The following DYM variants were observed in gnomAD, a reference collection of about 807,000 sequenced individuals.
DYM encodes the protein dymeclin, also known as dyggve-Melchior-Clausen syndrome protein.
A neutral mutation model predicts 93.1 loss-of-function variants in DYM; 78 were observed. The ratio of observed to expected loss-of-function variants is 0.84; its 90% CI spans 0.70 to 1.01. The LOEUF is 1.01. DYM is among the 50% of genes least tolerant of loss of function. The pLI, the probability that DYM is intolerant of heterozygous loss-of-function variation, is 0.00. For missense variants in DYM, 789 were observed against 845.0 expected (o/e 0.93, Z 0.82); for synonymous variants, 321 against 319.7 (o/e 1.00, Z -0.04).
intron 15 of DYM, among the ~76,000 whole-genome samples, chr18:49,121,429 C>T (rs1335166652): frequency 1.3e-5 from 2 of 151,994 alleles, no homozygotes; most frequent in Non-Finnish European, 2.9e-5. Flanking sequence ...CATTAATATA[C>T]ATCTAATTGA....
chr18:49,195,836 T>C lies in DYM; in HGVS notation c.1625+13715A>G, dbSNP rs9958470. ...CCTTCGTTTAGTCAGGTAGTTTTACTGTACGTGGGTAGAAACTAAAACCAG... is the reference window on the plus strand; with the variant it reads ...CCTTCGTTTAGTCAGGTAGTTTTACCGTACGTGGGTAGAAACTAAAACCAG... On this transcript the variant is annotated intron_variant, in intron 14 of 17. Transcript: ENST00000675505. 2.4e-3 allele frequency among the ~76,000 whole-genome samples: 369 copies of C among 152,124 alleles called. 2 individuals carry two copies. Among genetic ancestry groups the C allele is most frequent in the African/African-American group, 8.8e-3 (364 of 41,466 alleles).
At chr18:49,459,921 G>GGT (rs951358663) in intron 1 of DYM, among the ~76,000 whole-genome samples, 2 of 146,966 alleles carry the variant, frequency 1.4e-5, no homozygotes, top group African/African-American at 5.0e-5. Flanking sequence ...TTTGGGGCGG[G>GGT]GGGGGCGGTG....
chr18:49,426,276 T>C (rs75516140), intron 2 of DYM, among the ~76,000 whole-genome samples: 13,822 of 151,418 alleles, frequency 0.091, 847 homozygotes, highest in East Asian at 0.31. Flanking sequence ...AACCAACATT[T>C]TGAGCAAACC....
chr18:49,206,822 T>C (rs563428056), intron 14 of DYM, among the ~76,000 whole-genome samples: 53 of 152,312 alleles, frequency 3.5e-4, no homozygotes, highest in African/African-American at 1.2e-3. Flanking sequence ...GGAGGCTTCA[T>C]ACTGTAAACC....
intron 13 of DYM, among the ~76,000 whole-genome samples, chr18:49,238,320 T>C (rs1284636620): frequency 6.6e-6 from 1 of 152,184 alleles, no homozygotes; most frequent in Non-Finnish European, 1.5e-5. Context: ...TAAGTAACCT[T>C]TAAAATTGTG....
At chr18:49,262,023 A>G (rs937044512) in intron 11 of DYM, among the ~76,000 whole-genome samples, 6 of 152,198 alleles carry the variant, frequency 3.9e-5, no homozygotes, top group African/African-American at 1.4e-4. Flanking sequence ...CCCCAAATCT[A>G]TGTCATTCAA....
At chr18:49,344,123 A>C (rs2064383544) in intron 6 of DYM, among the ~76,000 whole-genome samples, 1 of 152,178 alleles carries the variant, frequency 6.6e-6, no homozygotes, top group Non-Finnish European at 1.5e-5. Context: ...GATGTTTTTC[A>C]AAAGTCAGTT....
intron 1 of DYM, among the ~76,000 whole-genome samples, chr18:49,459,878 AAGG>A (rs896218221): frequency 6.9e-6 from 1 of 145,624 alleles, no homozygotes; most frequent in Non-Finnish European, 1.5e-5. Flanking sequence ...TAGGGGAGAG[AAGG>A]AGGAGTGACT....
intron 8 of DYM, among the ~76,000 whole-genome samples, chr18:49,306,360 A>C (rs990528490): frequency 3.3e-5 from 5 of 152,186 alleles, no homozygotes; most frequent in Non-Finnish European, 7.4e-5. Flanking sequence ...AATATACCAC[A>C]TCACTCAGAA....
chr18:49,422,191 G>A (rs567771464), intron 2 of DYM, among the ~76,000 whole-genome samples: 1 of 152,256 alleles, frequency 6.6e-6, no homozygotes, highest in East Asian at 1.9e-4. Flanking sequence ...GCAACTCCAA[G>A]ACACATAATT....
chr18:49,206,567 G>C (rs1045268968), intron 14 of DYM: 1 of 152,246 alleles, frequency 6.6e-6, no homozygotes, highest in Non-Finnish European at 1.5e-5. Flanking sequence ...AGAAGATGGC[G>C]AGGTAATTCC....
intron 14 of DYM, among the ~76,000 whole-genome samples, chr18:49,186,921 T>A (rs2090490392): frequency 2.6e-5 from 1 of 38,046 alleles, no homozygotes; most frequent in African/African-American, 9.5e-5. Context: ...CACAATCTTC[T>A]TTTTTTTTTT....
chr18:49,144,926 G>C (rs887834836), intron 15 of DYM, among the ~76,000 whole-genome samples: 1 of 151,014 alleles, frequency 6.6e-6, no homozygotes, highest in Admixed American at 6.6e-5. Context: ...GTGGGACCCT[G>C]CTGCATTTAC....
At chr18:49,214,126 A>G (rs1462719510) in intron 13 of DYM, among the ~76,000 whole-genome samples, 1 of 152,190 alleles carries the variant, frequency 6.6e-6, no homozygotes, top group Non-Finnish European at 1.5e-5. Flanking sequence ...AAAAAGATAC[A>G]TGGATTCTGC....
chr18:49,334,441 C>T (rs1173933596), intron 6 of DYM, among the ~76,000 whole-genome samples: 1 of 152,130 alleles, frequency 6.6e-6, no homozygotes, highest in Non-Finnish European at 1.5e-5. Context: ...TCTGTCCTCT[C>T]AAGATCATAA....
At chr18:49,301,886 T>G (rs772053669) in intron 8 of DYM, among the ~76,000 whole-genome samples, 1 of 152,116 alleles carries the variant, frequency 6.6e-6, no homozygotes, top group African/African-American at 2.4e-5. Flanking sequence ...GAGAGAAGAG[T>G]GCAGCCCTGC....
At chr18:49,052,712 T>C (rs774729262) in intron 17 of DYM, among the ~76,000 whole-genome samples, 7 of 152,378 alleles carry the variant, frequency 4.6e-5, no homozygotes, top group Middle Eastern at 3.4e-3. Flanking sequence ...GGCTCTTCTC[T>C]GCCCACATCT....
intron 5 of DYM, 45 bp from the exon 6 acceptor site, chr18:49,363,278 T>C (rs1209830619): frequency 1.5e-6 from 2 of 1,324,980 alleles, no homozygotes; most frequent in African/African-American, 2.9e-5. Flanking sequence ...AAGTACACAG[T>C]AGAATACAGT....
rs2068098457 is a variant in DYM, at chr18:49,382,138, A to AC, written c.194-2381_194-2380insG. Among the ~76,000 whole-genome samples the AC allele has an allele frequency of 9.2e-5, 14 of 152,300 alleles. No homozygotes were observed. The South Asian group carries it at 2.9e-3, about 32-fold the overall frequency. ...TGAATGTATAAATGATTAGCTATTT[A>AC]AAAAAACAAAACAAAACATCTTGTG... On this transcript the variant is annotated intron_variant, in intron 3 of 17. Coordinates refer to ENST00000675505, the MANE Select transcript of DYM (RefSeq NM_001353214.3).
Sources: gnomAD v4.1 joint callset for allele counts (sites outside exome capture counted in the v4.1 genomes callset) on GRCh38, gnomAD v4.1.1 for gene constraint, MANE v1.5 for transcripts, NCBI Gene and HGNC (gene_info 2026-07-23, HGNC 2026-07-21) for gene names.